TRPM5: variants seen among roughly 807,000 people sequenced by gnomAD.
TRPM5 encodes transient receptor potential cation channel subfamily M member 5.
Under a neutral mutation model 124.9 loss-of-function variants are expected in TRPM5, and 121 were observed. That is an observed-to-expected ratio of 0.97 (90% CI 0.84 to 1.13). TRPM5 has a LOEUF of 1.13. TRPM5 is among the 50% of genes most tolerant of loss of function. The pLI, the probability that TRPM5 is intolerant of heterozygous loss-of-function variation, is 0.00. For missense variants in TRPM5, 1,643 were observed against 1,589.1 expected (o/e 1.03, Z -0.58); for synonymous variants, 781 against 700.5 (o/e 1.11, Z -1.81).
chr11:2,405,449 C>T, intron 23 of TRPM5, 78 bp downstream of exon 28: 2 of 1,435,528 alleles, frequency 1.4e-6, no homozygotes, highest in East Asian at 2.5e-5. Context: ...GAGCACACAG[C>T]ACAGCCTACG....
exon 11 of TRPM5, chr11:2,414,720 G>A (rs763875217): frequency 6.5e-7 from 1 of 1,538,724 alleles, no homozygotes; most frequent in African/African-American, 1.4e-5. Flanking sequence ...CTCACCAAGG[G>A]CCAGCCGCTC....
chr11:2,417,718 CG>C lies in TRPM5; in HGVS notation c.1009+8del. 5 of 1,524,828 alleles carry C rather than the reference CG, an allele frequency of 3.3e-6. No homozygotes were observed. Among genetic ancestry groups the C allele is most frequent in the South Asian group, 1.2e-5 (1 of 85,066 alleles). 94.5% of individuals were successfully genotyped at this position (1,524,828 alleles called of 1,614,324 possible). A position where few individuals can be genotyped will look rare whatever the true frequency, so the allele number is the denominator to read the frequency against. ...TGGCGCCTGCCTTGCCCACCCTGCC[CG>C]CCCTCACCTTTCACCAGCGCCTTCA... On this transcript the variant is annotated splice_region_variant and intron_variant, in intron 7 of 23. Coordinates refer to ENST00000155858, the Ensembl canonical transcript of TRPM5.
In TRPM5 at chr11:2,412,915, C is replaced by T. The variant is rs754942616; in HGVS notation, c.2194G>A (p.Val732Met). Residue 732 changes from valine (V) to methionine (M), a missense_variant, in exon 15 of 24, where the codon GTG (valine) becomes ATG (methionine). By Grantham distance (21) the Val-to-Met change is conservative. Coordinates refer to ENST00000155858, the Ensembl canonical transcript of TRPM5. ...ACCACGTTCCCCAGGAACACAGTCA[C>T]GGGAGCGCCCCAGAATTTCCGCCAG... 17 of 1,598,326 alleles carry T rather than the reference C, an allele frequency of 1.1e-5. No homozygotes were observed. The highest frequency in any genetic ancestry group is 1.6e-4 in the Middle Eastern group (1 of 6,068).
At chr11:2,423,108 T>G (rs1425093543), upstream of TRPM5, 2 of 1,284,468 alleles carry the variant, frequency 1.6e-6, no homozygotes, top group Non-Finnish European at 2.2e-6. Flanking sequence ...CTCCCTCCCC[T>G]CAGGGGGCTG....
chr11:2,414,010 C>CCCCCCCCCCCCCCCCCCCG, intron 12 of TRPM5, 51 bp downstream of exon 17: 1 of 420,366 alleles, frequency 2.4e-6, no homozygotes, highest in Non-Finnish European at 4.7e-6. Flanking sequence ...GCCCAGCTCG[C>CCCCCCCCCCCCCCCCCCCG]CCGCCCACCC....
At position 2,407,257 on chromosome 11, in the gene TRPM5, T is replaced by TGG; in HGVS notation, c.2979_2980insCC (p.Lys994ProfsTer8). The TGG allele has an allele frequency of 1.2e-6, 2 of 1,612,138 alleles. No individual in the cohort carries two copies. Among genetic ancestry groups the TGG allele is most frequent in the Non-Finnish European group, 1.7e-6 (2 of 1,179,680 alleles). ...ACAATCAGGTTGTAGCGCTGGAACT[T>TGG]CCAGAACATGTCTGCGTTGCCCTGC... On this transcript the variant is annotated frameshift_variant, in exon 20 of 24. Transcript: ENST00000155858. LOFTEE classifies it high-confidence loss of function.
chr11:2,426,307 C>T (rs1227858197), upstream of TRPM5, among the ~76,000 whole-genome samples: 3 of 152,202 alleles, frequency 2.0e-5, no homozygotes, highest in African/African-American at 4.8e-5. Context: ...CCCCCGCCCC[C>T]GCCGGCCAGC....
At chr11:2,412,900 C>T (rs1215172696) in exon 15 of TRPM5, 3 of 1,598,034 alleles carry the variant, frequency 1.9e-6, no homozygotes, top group Non-Finnish European at 2.6e-6. Flanking sequence ...ACCACGTTCC[C>T]CAGGAACACA....
the TRPM5 span, among the ~76,000 whole-genome samples, chr11:2,428,162 G>A: frequency 3.9e-5 from 6 of 152,192 alleles, no homozygotes; most frequent in Non-Finnish European, 7.3e-5. This position sits in a 1 kb window ranked among gnomAD's most constrained non-coding sequence, Gnocchi z 4.0. Flanking sequence ...ACCTTGGAGT[G>A]TCAAACAGGG....
intron 22 of TRPM5, 110 bp downstream of exon 27, chr11:2,405,909 C>T: frequency 1.9e-6 from 2 of 1,048,776 alleles, no homozygotes; most frequent in South Asian, 1.4e-5. Context: ...TGTCCTGGCT[C>T]TGGCCTGCCT....
At position 2,409,290 on chromosome 11, in the gene TRPM5, C is replaced by T. The variant is rs12280988; in HGVS notation, c.2783-1378G>A. Reference sequence around the variant, plus strand: ...CCTGGGCAGACTGATGACCCCCTCTCCTCCCTGCACTCTGGAGGAGCGGGC... The same window carrying T: ...CCTGGGCAGACTGATGACCCCCTCTTCTCCCTGCACTCTGGAGGAGCGGGC... On this transcript the variant is annotated intron_variant, in intron 18 of 23. Transcript: ENST00000155858. Among the ~76,000 whole-genome samples, 827 of 152,316 alleles carry T rather than the reference C, an allele frequency of 5.4e-3. 6 individuals are homozygous for T. Among genetic ancestry groups the T allele is most frequent in the Middle Eastern group, 0.01 (3 of 294 alleles).
exon 15 of TRPM5, chr11:2,412,844 C>T (rs771726091): frequency 6.2e-7 from 1 of 1,602,698 alleles, no homozygotes; most frequent in African/African-American, 1.3e-5. Context: ...GCCTGAAGTC[C>T]ACCAGCAGGA....
chr11:2,440,644 C>G, the TRPM5 span, among the ~76,000 whole-genome samples: 3 of 152,184 alleles, frequency 2.0e-5, no homozygotes, highest in Non-Finnish European at 4.4e-5. The surrounding 1 kb of genome is among the most constrained non-coding windows in gnomAD (Gnocchi z 5.2). Flanking sequence ...TCCTGTGCCC[C>G]CTTCGTTTTT....
At chr11:2,439,912 G>A in the TRPM5 span, among the ~76,000 whole-genome samples, 1 of 152,112 alleles carries the variant, frequency 6.6e-6, no homozygotes, top group Admixed American at 6.5e-5. Flanking sequence ...CAATAACAAA[G>A]ACCTGGAATT....
At chr11:2,433,146 C>G in the TRPM5 span, among the ~76,000 whole-genome samples, 3 of 152,262 alleles carry the variant, frequency 2.0e-5, no homozygotes, top group African/African-American at 2.4e-5. Context: ...GGAGGGCAAC[C>G]TTGACCCCAT....
chr11:2,433,940 G>C, the TRPM5 span, among the ~76,000 whole-genome samples: 2 of 152,030 alleles, frequency 1.3e-5, no homozygotes, highest in Non-Finnish European at 2.9e-5. Flanking sequence ...TGTGGACACA[G>C]TGTGTGAGTG....
At chr11:2,405,933 G>T in intron 22 of TRPM5, 86 bp downstream of exon 27, 2 of 1,241,028 alleles carry the variant, frequency 1.6e-6, no homozygotes, top group South Asian at 1.2e-5. Flanking sequence ...CTCTGTGAGT[G>T]ACCGGGCAGG....
chr11:2,417,580 A>G lies in TRPM5; in HGVS notation c.1009+147T>C, dbSNP rs530698458. 4.3e-5 allele frequency: 26 copies of G among 608,916 alleles called. No homozygotes were observed. In the East Asian group the frequency reaches 7.2e-4, roughly 17 times the overall value. 37.7% of individuals were successfully genotyped at this position (608,916 alleles called of 1,614,324 possible). ...ACGTCATAAAACTTGCCAAATACAG[A>G]CAGCTTCATGAATCATGTGTCATCT... On this transcript the variant is annotated intron_variant, in intron 7 of 23. Transcript: ENST00000155858.
exon 8 of TRPM5, chr11:2,415,986 C>T: frequency 6.3e-7 from 1 of 1,588,042 alleles, no homozygotes; most frequent in Non-Finnish European, 8.6e-7. Context: ...TTGAGCTCAT[C>T]CAGATAGTCC....
Sources: gnomAD v4.1 joint callset for allele counts (sites outside exome capture counted in the v4.1 genomes callset) on GRCh38, gnomAD v4.1.1 for gene constraint, Gnocchi (gnomAD v3.1) non-coding constraint, MANE v1.5 for transcripts, NCBI Gene and HGNC (gene_info 2026-07-23, HGNC 2026-07-21) for gene names.